DNAJB13: variants seen among roughly 807,000 people sequenced by gnomAD.
The protein encoded by DNAJB13 is DnaJ heat shock protein family (Hsp40) member B13.
In DNAJB13, 22 loss-of-function variants were observed where a neutral mutation model predicts 35.6. That is an observed-to-expected ratio of 0.62 (90% CI 0.44 to 0.88). The LOEUF (loss-of-function observed/expected upper bound fraction) is 0.88, where lower values mean the gene tolerates loss of function less well. Among genes scored for constraint, DNAJB13 ranks in the 40% least tolerant of loss-of-function variants. The pLI is 0.00. For missense variants in DNAJB13, 370 were observed against 384.3 expected (o/e 0.96, Z 0.31); for synonymous variants, 136 against 144.2 (o/e 0.94, Z 0.41).
intron 1 of DNAJB13, among the ~76,000 whole-genome samples, chr11:73,953,265 C>A (rs886605897): frequency 1.3e-5 from 2 of 152,102 alleles, no homozygotes; most frequent in African/African-American, 4.8e-5. Flanking sequence ...GTGGCTCATG[C>A]CTGTAATCCC....
intron 3 of DNAJB13, among the ~76,000 whole-genome samples, chr11:73,961,512 G>A (rs1406089383): frequency 6.6e-6 from 1 of 152,182 alleles, no homozygotes; most frequent in Non-Finnish European, 1.5e-5. Flanking sequence ...TGACAGGCAT[G>A]AAACTCGTGG....
At chr11:73,968,057 G>A in intron 5 of DNAJB13, 1 of 503,742 alleles carries the variant, frequency 2.0e-6, no homozygotes, top group South Asian at 3.8e-5. Context: ...GCCCAGCTTA[G>A]TGTTCCACCT....
chr11:73,968,679 T>G (rs1296764730), intron 6 of DNAJB13, among the ~76,000 whole-genome samples: 1 of 152,052 alleles, frequency 6.6e-6, no homozygotes, highest in Non-Finnish European at 1.5e-5. Context: ...CCACTTCTCA[T>G]CTCCTCCAGG....
chr11:73,968,410 CAG>C lies in DNAJB13; in HGVS notation c.673_674del (p.Arg225GlyfsTer3). ...VKEKLHPRFR[R>X]ENDNLFFVNP... ...AGGAGAAGCTACACCCTCGCTTCCGCAGGGAGAATGACAACCTCTTCTTCGTG... is the reference window on the plus strand; with the variant it reads ...AGGAGAAGCTACACCCTCGCTTCCGCGGAGAATGACAACCTCTTCTTCGTG... On this transcript the variant is annotated frameshift_variant, in exon 6 of 8. Transcript: ENST00000339764. LOFTEE classifies it high-confidence loss of function. The C allele has an allele frequency of 6.2e-7, 1 of 1,614,140 alleles. No individual in the cohort carries two copies. Among genetic ancestry groups the C allele is most frequent in the Non-Finnish European group, 8.5e-7 (1 of 1,180,020 alleles).
chr11:73,967,121 G>A (rs1203553555), intron 5 of DNAJB13, among the ~76,000 whole-genome samples: 3 of 151,752 alleles, frequency 2.0e-5, no homozygotes, highest in Admixed American at 6.6e-5. Flanking sequence ...CCAAAGTGCT[G>A]GGATTACAGG....
chr11:73,956,765 T>C (rs1950752598), intron 1 of DNAJB13, among the ~76,000 whole-genome samples: 1 of 145,106 alleles, frequency 6.9e-6, no homozygotes, highest in Non-Finnish European at 1.5e-5. Context: ...ATTGTGCCAT[T>C]GCACTCCAGC....
At chr11:73,967,825 C>T (rs1021152587) in intron 5 of DNAJB13, 16 of 175,476 alleles carry the variant, frequency 9.1e-5, no homozygotes, top group Admixed American at 5.6e-4. Context: ...CAGTGTTCCC[C>T]GCTCTGGGCA....
At position 73,967,635 on chromosome 11, in the gene DNAJB13, C is replaced by T. The variant is rs117337505; in HGVS notation, c.607-710C>T. Among the ~76,000 whole-genome samples the T allele has an allele frequency of 4.0e-4, 61 of 152,266 alleles. 1 individual carries two copies. The East Asian group carries it at 9.5e-3, about 24-fold the overall frequency. ...TAGTGTGTGCCTGTGGTCCCAGATA[C>T]TCAGGAGACTGAGGCAGGAGGATCT... On this transcript the variant is annotated intron_variant, in intron 5 of 7. Transcript: ENST00000339764.
At chr11:73,964,786 TGTGTGTGTGTGTGTGTGTGTGTGTGTGC>T (rs1951036333) in intron 3 of DNAJB13, 64 bp from the exon 4 acceptor site, 3 of 827,324 alleles carry the variant, frequency 3.6e-6, no homozygotes, top group South Asian at 1.4e-5. Context: ...TGTGTGTGTG[TGTGTGTGTGTGTGTGTGTGTGTGTGTGC>T]GCGCGCGCGC....
chr11:73,969,279 C>A lies in DNAJB13; in HGVS notation c.754C>A (p.Leu252Ile). The change falls in exon 7 of 8, where the codon CTA becomes ATA. Residue 252 changes from leucine to isoleucine, a missense_variant. Transcript: ENST00000339764. Reference sequence around the variant, plus strand: ...CTGCTGCACTGTGGAGGTGAGGACCCTAGATGACCGTCTGCTCAACATCCC... The same window carrying A: ...CTGCTGCACTGTGGAGGTGAGGACCATAGATGACCGTCTGCTCAACATCCC... ...LTCCTVEVRTLDDRLLNIPIN... is the reference protein window; with the variant it reads ...LTCCTVEVRTIDDRLLNIPIN... The A allele has an allele frequency of 1.1e-6, 1 of 872,752 alleles. No individual in the cohort carries two copies. The highest frequency in any genetic ancestry group is 2.0e-6 in the Non-Finnish European group (1 of 501,594). The allele number at this position is 872,752 out of a possible 1,614,324, so 54.1% of individuals were successfully genotyped here.
intron 1 of DNAJB13, among the ~76,000 whole-genome samples, chr11:73,956,877 A>G (rs76702987): frequency 0.024 from 3,558 of 151,300 alleles, 136 homozygotes; most frequent in African/African-American, 0.081. Context: ...GATGGCAAGT[A>G]GGCACTTGGA....
chr11:73,961,927 T>C (rs1464916969), intron 3 of DNAJB13, among the ~76,000 whole-genome samples: 1 of 152,152 alleles, frequency 6.6e-6, no homozygotes. Context: ...GTAGCTGGGA[T>C]TACAGGTGGG....
Position 73,962,486 on chromosome 11 carries a change from C to T in DNAJB13, c.335-2392C>T, listed in dbSNP as rs189267417. Among the ~76,000 whole-genome samples, 5 of 151,382 alleles carry T rather than the reference C, an allele frequency of 3.3e-5. No individual in the cohort carries two copies. In the South Asian group the frequency reaches 8.3e-4, roughly 25 times the overall value. ...GTAGGCGGATGGATGGCTGGGTAGGCGGAAGGATGGCTGAGTAGGTGGATG... is the reference window on the plus strand; with the variant it reads ...GTAGGCGGATGGATGGCTGGGTAGGTGGAAGGATGGCTGAGTAGGTGGATG... On this transcript the variant is annotated intron_variant, in intron 3 of 7. Transcript: ENST00000339764.
intron 3 of DNAJB13, among the ~76,000 whole-genome samples, chr11:73,960,473 C>A (rs576497198): frequency 6.6e-6 from 1 of 152,040 alleles, no homozygotes; most frequent in Admixed American, 6.5e-5. Flanking sequence ...TGAGTCACCA[C>A]GCCCAGCTAA....
At position 73,951,145 on chromosome 11, in the gene DNAJB13, G is replaced by C. The variant is rs764222793; in HGVS notation, c.68+8G>C. The C allele has an allele frequency of 4.3e-5, 69 of 1,613,884 alleles. No individual in the cohort carries two copies. Among genetic ancestry groups the C allele is most frequent in the Middle Eastern group, 3.3e-4 (2 of 6,082 alleles). ...TGCCCAGATCAAGCAGGCGTAAGTT[G>C]GGGTGGGAGCCAGGCCTTAGGGGTG... On this transcript the variant is annotated splice_region_variant and intron_variant, in intron 1 of 7. Transcript: ENST00000339764.
rs775700619 is a variant in DNAJB13 at position 73,951,138 on chromosome 11, G to A, written c.68+1G>A. 12 of 1,614,044 alleles carry A rather than the reference G, an allele frequency of 7.4e-6. No homozygotes were observed. The highest frequency in any genetic ancestry group is 9.3e-6 in the Non-Finnish European group (11 of 1,180,000). ...CAGAGGATGCCCAGATCAAGCAGGC[G>A]TAAGTTGGGGTGGGAGCCAGGCCTT... On this transcript the variant is annotated splice_donor_variant, in intron 1 of 7. Coordinates refer to ENST00000339764, the MANE Select transcript of DNAJB13 (RefSeq NM_153614.4). LOFTEE classifies it high-confidence loss of function.
intron 6 of DNAJB13, 76 bp downstream of exon 6, chr11:73,968,534 C>T: frequency 1.6e-6 from 2 of 1,242,868 alleles, no homozygotes; most frequent in Non-Finnish European, 1.1e-6. Flanking sequence ...GACTTGGCCT[C>T]CCCTCCCACA....
At chr11:73,955,295 C>T (rs1214190835) in intron 1 of DNAJB13, among the ~76,000 whole-genome samples, 12 of 150,056 alleles carry the variant, frequency 8.0e-5, no homozygotes, top group Admixed American at 8.0e-4. Flanking sequence ...AAACCTTTCT[C>T]AAACCTTGTT....
chr11:73,962,160 A>G (rs1950949043), intron 3 of DNAJB13, among the ~76,000 whole-genome samples: 1 of 152,002 alleles, frequency 6.6e-6, no homozygotes, highest in Non-Finnish European at 1.5e-5. Context: ...CTAATATTGT[A>G]TTTGTGGGAA....
Sources: gnomAD v4.1 joint callset for allele counts (sites outside exome capture counted in the v4.1 genomes callset) on GRCh38, gnomAD v4.1.1 for gene constraint, MANE v1.5 for transcripts, NCBI Gene and HGNC (gene_info 2026-07-23, HGNC 2026-07-21) for gene names.